AP2A2: variants seen among roughly 807,000 people sequenced by gnomAD.
AP2A2 encodes the protein adaptor related protein complex 2 subunit alpha 2.
AP2A2 carries 32 observed loss-of-function variants against 104.2 expected under a neutral mutation model. The ratio of observed to expected loss-of-function variants is 0.31; its 90% CI spans 0.23 to 0.41. The LOEUF (loss-of-function observed/expected upper bound fraction) is 0.41. AP2A2 is among the 10% of genes least tolerant of loss of function. The pLI is 1.00. For missense variants in AP2A2, 912 were observed against 1,261.0 expected, an observed-to-expected ratio of 0.72 and a Z score of 4.19; for synonymous variants, 539 against 533.3, an observed-to-expected ratio of 1.01 and a Z score of -0.15.
intron 1 of AP2A2, among the ~76,000 whole-genome samples, chr11:953,835 CTCTT>C (rs1854137363): frequency 6.7e-6 from 1 of 148,990 alleles, no homozygotes. Context: ...TCTACCTTCT[CTCTT>C]TTTTTTTTTT....
At chr11:996,963 G>T (rs1855877563) in intron 14 of AP2A2, among the ~76,000 whole-genome samples, 1 of 152,074 alleles carries the variant, frequency 6.6e-6, no homozygotes, top group Non-Finnish European at 1.5e-5. Flanking sequence ...ATGGTGTGTG[G>T]GTGTCATTGC....
chr11:995,793 C>T (rs1163930114), intron 14 of AP2A2, among the ~76,000 whole-genome samples: 1 of 4,280 alleles, frequency 2.3e-4, no homozygotes, highest in African/African-American at 1.1e-3. Context: ...CCCCTGTCCC[C>T]CCGTGCCCTC....
At chr11:1,009,566 C>T (rs949064669) in intron 20 of AP2A2, 117 bp from the exon 21 acceptor site, 137 of 1,215,876 alleles carry the variant, frequency 1.1e-4, no homozygotes, top group Admixed American at 3.7e-4. Flanking sequence ...TCTGGAGGGG[C>T]GGCCCCGGGG....
chr11:979,123 C>T (rs187140190), intron 5 of AP2A2, among the ~76,000 whole-genome samples: 90 of 151,872 alleles, frequency 5.9e-4, no homozygotes, highest in Non-Finnish European at 9.9e-4. Context: ...CCACGTGTCG[C>T]GGGCCTGAGT....
intron 5 of AP2A2, 146 bp from the exon 6 acceptor site, chr11:981,052 G>A: frequency 1.6e-6 from 1 of 614,210 alleles, no homozygotes; most frequent in South Asian, 2.1e-5. Flanking sequence ...GGAGAACATT[G>A]TAGGTTTCTC....
chr11:959,590 T>C, intron 2 of AP2A2, 85 bp downstream of exon 2: 1 of 861,022 alleles, frequency 1.2e-6, no homozygotes, highest in Non-Finnish European at 1.8e-6. Flanking sequence ...TGTCTTCTTT[T>C]CTCCCACACT....
chr11:988,569 C>T lies in AP2A2; in HGVS notation c.1149C>T (p.Ser383=), dbSNP rs773847194. ...INALKTERDV[S]VRQRAVDLLY... is the part of the protein sequence containing the mutation. ...TTCCCCAGACTGAGCGGGACGTGAG[C>T]GTGCGGCAGCGGGCCGTGGACCTCC... Residue 383 remains serine, a synonymous_variant, in exon 10 of 22, where the codon AGC becomes AGT. Transcript: ENST00000448903. 4.3e-5 allele frequency: 69 copies of T among 1,611,916 alleles called. No individual in the cohort carries two copies. Among genetic ancestry groups the T allele is most frequent in the Middle Eastern group, 1.6e-4 (1 of 6,084 alleles).
intron 2 of AP2A2, among the ~76,000 whole-genome samples, chr11:965,326 G>A (rs571678324): frequency 1.8e-4 from 28 of 152,296 alleles, no homozygotes; most frequent in Middle Eastern, 3.4e-3. Flanking sequence ...TGTAGGTAAC[G>A]CCAGTGTGTT....
intron 1 of AP2A2, among the ~76,000 whole-genome samples, chr11:930,411 G>A (rs190650348): frequency 1.1e-4 from 17 of 152,052 alleles, no homozygotes; most frequent in Non-Finnish European, 2.4e-4. Flanking sequence ...TCAACCCAGC[G>A]GCCACTGCAT....
chr11:955,788 G>C (rs1165517161), intron 1 of AP2A2, among the ~76,000 whole-genome samples: 1 of 152,220 alleles, frequency 6.6e-6, no homozygotes, highest in Non-Finnish European at 1.5e-5. Context: ...AGATATTCTG[G>C]AGGAGGGAGC....
chr11:1,006,471 ATATTCAGGGTAAG>A lies in AP2A2; in HGVS notation c.2207-55_2207-43del. 4 of 1,226,040 alleles carry A rather than the reference ATATTCAGGGTAAG, an allele frequency of 3.3e-6. No individual in the cohort carries two copies. The Admixed American group carries it at 5.5e-5, about 17-fold the overall frequency. 75.9% of individuals were successfully genotyped at this position (1,226,040 alleles called of 1,614,324 possible). Reference sequence around the variant, plus strand: ...GGGGGGCTCTTGTTTTTCAGGGTAAATATTCAGGGTAAGTGTGAAATGGTGTGTGTGAAAAAAT... The same window carrying A: ...GGGGGGCTCTTGTTTTTCAGGGTAAATGTGAAATGGTGTGTGTGAAAAAAT... On this transcript the variant is annotated intron_variant, in intron 16 of 21. Coordinates refer to ENST00000448903, the MANE Select transcript of AP2A2 (RefSeq NM_012305.4).
At chr11:946,901 G>A (rs1205478609) in intron 1 of AP2A2, 2 of 152,116 alleles carry the variant, frequency 1.3e-5, no homozygotes, top group Admixed American at 6.6e-5. Context: ...TAGGTGGTAG[G>A]ATACGTGAAG....
At position 925,925 on chromosome 11, in the gene AP2A2, C is replaced by T. The variant is rs1455103557; in HGVS notation, c.-97C>T. 1 of 969,846 alleles carries T rather than the reference C, an allele frequency of 1.0e-6. No homozygotes were observed. The allele number at this position is 969,846 out of a possible 1,614,324, so 60.1% of individuals were successfully genotyped here. A position where few individuals can be genotyped will look rare whatever the true frequency, so the allele number is the denominator to read the frequency against. On this transcript the variant is annotated 5_prime_UTR_variant, in exon 1 of 22. Transcript: ENST00000448903. ...GTGGTTAGGCGGCTCCCCGGCGGCT[C>T]CTCCGCGGCGGTGACGGCGACCGCA...
intron 1 of AP2A2, among the ~76,000 whole-genome samples, chr11:954,840 C>T (rs1018291154): frequency 1.3e-5 from 2 of 152,236 alleles, no homozygotes; most frequent in East Asian, 3.9e-4. Flanking sequence ...GGGGGGTTAA[C>T]TGCCTGTTTC....
intron 1 of AP2A2, among the ~76,000 whole-genome samples, chr11:957,772 C>T (rs1854286612): frequency 6.6e-6 from 1 of 152,212 alleles, no homozygotes. Context: ...GTAATCCCTC[C>T]TAGCTTCATC....
intron 5 of AP2A2, among the ~76,000 whole-genome samples, chr11:980,771 G>A (rs1589989169): frequency 6.6e-6 from 1 of 152,352 alleles, no homozygotes; most frequent in East Asian, 1.9e-4. Context: ...CTCACTTCTG[G>A]GTTGTAAAGA....
intron 1 of AP2A2, chr11:942,295 A>C (rs1478312412): frequency 6.6e-6 from 1 of 152,244 alleles, no homozygotes; most frequent in Non-Finnish European, 1.5e-5. Flanking sequence ...TGTATTTCTC[A>C]GTGGAATTTT....
chr11:986,077 G>C (rs1293484039), intron 8 of AP2A2, among the ~76,000 whole-genome samples: 1 of 152,242 alleles, frequency 6.6e-6, no homozygotes, highest in Non-Finnish European at 1.5e-5. Context: ...CTGCTCAGCA[G>C]TTGCGGCGCA....
chr11:936,868 G>C (rs1218743970), intron 1 of AP2A2, among the ~76,000 whole-genome samples: 1 of 152,112 alleles, frequency 6.6e-6, no homozygotes, highest in Non-Finnish European at 1.5e-5. Flanking sequence ...TACCTCACTC[G>C]AGGCAGTGTC....
Sources: gnomAD v4.1 joint callset for allele counts (sites outside exome capture counted in the v4.1 genomes callset) on GRCh38, gnomAD v4.1.1 for gene constraint, MANE v1.5 for transcripts, NCBI Gene and HGNC (gene_info 2026-07-23, HGNC 2026-07-21) for gene names.